IL13RA1: variants seen among roughly 807,000 people sequenced by gnomAD.
The protein encoded by IL13RA1 is interleukin-13 receptor subunit alpha-1.
Under a neutral mutation model 33.8 loss-of-function variants are expected in IL13RA1, and 14 were observed. The ratio of observed to expected loss-of-function variants is 0.41; its 90% confidence interval spans 0.27 to 0.65. IL13RA1 has a LOEUF of 0.65. Among genes scored for constraint, IL13RA1 ranks in the 30% least tolerant of loss-of-function variants. The pLI is 0.28. For synonymous variants in IL13RA1, 116 were observed against 115.7 expected (o/e 1.00, Z -0.02); for missense variants, 313 against 327.0 (o/e 0.96, Z 0.33).
chrX:118,767,336 T>C (rs930147671), intron 8 of IL13RA1, among the ~76,000 whole-genome samples: 1 of 110,193 alleles, frequency 9.1e-6, no homozygotes, highest in Non-Finnish European at 1.9e-5. Flanking sequence ...AGCCCAGGAG[T>C]TGGAGACCAG....
chrX:118,734,944 A>G (rs145619488), intron 1 of IL13RA1, among the ~76,000 whole-genome samples: 144 of 111,061 alleles, frequency 1.3e-3, no homozygotes, highest in Non-Finnish European at 2.2e-3. Context: ...ATTTTTGATT[A>G]CTGATTCAAT....
At chrX:118,754,676 A>G (rs1333244193) in intron 4 of IL13RA1, among the ~76,000 whole-genome samples, 3 of 90,426 alleles carry the variant, frequency 3.3e-5, no homozygotes, top group African/African-American at 2.4e-4. Context: ...TATTGTTATT[A>G]TCCCCACTCC....
At chrX:118,768,303 A>G (rs1024476357) in intron 8 of IL13RA1, among the ~76,000 whole-genome samples, 9 of 112,215 alleles carry the variant, frequency 8.0e-5, no homozygotes, top group Admixed American at 7.5e-4. Flanking sequence ...GAACCAACAT[A>G]CATTTACCAT....
intron 10 of IL13RA1, among the ~76,000 whole-genome samples, chrX:118,783,990 C>T (rs1221835229): frequency 4.1e-5 from 4 of 97,158 alleles, no homozygotes; most frequent in South Asian, 4.9e-4. Flanking sequence ...GCAGGAGAAT[C>T]GCTTAAGCCT....
In IL13RA1 at chrX:118,784,127, A is replaced by ACG. The variant is rs1556373085; in HGVS notation, c.1191+7616_1191+7617insCG. Among the ~76,000 whole-genome samples, 92 of 24,773 alleles carry ACG rather than the reference A, an allele frequency of 3.7e-3. 5 individuals carry two copies. The highest frequency in any genetic ancestry group is 9.0e-3 in the South Asian group (2 of 222). The allele number at this position is 24,773 out of a possible 115,157, so 21.5% of individuals were successfully genotyped here. On this transcript the variant is annotated intron_variant, in intron 10 of 10. Transcript: ENST00000371666. ...TATATATACGTATATATGTATATATATGTATATATATATATATATACGTAT... is the reference window on the plus strand; with the variant it reads ...TATATATACGTATATATGTATATATACGTGTATATATATATATATATACGTAT...
Position 118,793,530 on chromosome X carries a change from A to G in IL13RA1, c.*1676A>G, listed in dbSNP as rs1340606087. On this transcript the variant is annotated 3_prime_UTR_variant, in exon 11 of 11. Coordinates refer to ENST00000371666, the MANE Select transcript of IL13RA1 (RefSeq NM_001560.3). ...CCATTCTCACCTATCCACACAACAT[A>G]TCCGTATATATCCCCTCTACTCTTA... 1 of 111,322 alleles carries G rather than the reference A, an allele frequency of 9.0e-6. No homozygotes were observed. The highest frequency in any genetic ancestry group is 3.3e-5 in the African/African-American group (1 of 30,545). The allele number at this position is 111,322 out of a possible 1,213,427, so 9.2% of individuals were successfully genotyped here.
In IL13RA1 at chrX:118,759,298, C is replaced by A. The variant is rs1442539326; in HGVS notation, c.676+1056C>A. On this transcript the variant is annotated intron_variant, in intron 5 of 10. Transcript: ENST00000371666. ...TCTGTGAAATGGAATATATAATCTC[C>A]CTCTATCTAAAAAAATTGTCATAAG... 8.0e-5 allele frequency among the ~76,000 whole-genome samples: 9 copies of A among 112,172 alleles called. 1 individual carries two copies. The highest frequency in any genetic ancestry group is 1.7e-4 in the Non-Finnish European group (9 of 53,208).
chrX:118,754,886 A>G (rs541452905), intron 4 of IL13RA1, among the ~76,000 whole-genome samples: 1 of 107,932 alleles, frequency 9.3e-6, no homozygotes, highest in South Asian at 4.1e-4. Context: ...CATCAAACAA[A>G]CTGCCAGAGA....
the IL13RA1 span, among the ~76,000 whole-genome samples, chrX:118,803,534 A>G: frequency 1.8e-5 from 2 of 112,488 alleles, no homozygotes; most frequent in African/African-American, 6.5e-5. Flanking sequence ...AAACTAAACA[A>G]TAATTGCTTA....
the IL13RA1 span, among the ~76,000 whole-genome samples, chrX:118,803,588 C>T: frequency 5.7e-3 from 634 of 112,180 alleles, 6 homozygotes; most frequent in African/African-American, 0.02. Flanking sequence ...CCCCAATTGT[C>T]TCATAAGTCT....
chrX:118,800,930 G>A, the IL13RA1 span, among the ~76,000 whole-genome samples: 1,857 of 111,248 alleles, frequency 0.017, 46 homozygotes, highest in African/African-American at 0.056. Context: ...GGGACTACAG[G>A]CACTTGCCAC....
chrX:118,783,216 G>T (rs964492532), intron 10 of IL13RA1, among the ~76,000 whole-genome samples: 2 of 111,682 alleles, frequency 1.8e-5, no homozygotes, highest in Non-Finnish European at 3.8e-5. Flanking sequence ...CGTTTTTCTA[G>T]GCTCACATAA....
At chrX:118,734,820 C>T (rs904428864) in intron 1 of IL13RA1, among the ~76,000 whole-genome samples, 8 of 111,628 alleles carry the variant, frequency 7.2e-5, no homozygotes, top group African/African-American at 2.6e-4. Flanking sequence ...TCAGGTAATG[C>T]TGGCCTCGTA....
Position 118,776,423 on chromosome X carries a change from A to T in IL13RA1, c.1107-4A>T. On this transcript the variant is annotated splice_polypyrimidine_tract_variant and splice_region_variant and intron_variant, in intron 9 of 10. Coordinates refer to ENST00000371666, the MANE Select transcript of IL13RA1 (RefSeq NM_001560.3). Reference sequence around the variant, plus strand: ...TTGAATCAAATGTCTCTGTTTTCTTAAAGGCTCAAGATTATTATATTCCCT... The same window carrying T: ...TTGAATCAAATGTCTCTGTTTTCTTTAAGGCTCAAGATTATTATATTCCCT... 1 of 878,172 alleles carries T rather than the reference A, an allele frequency of 1.1e-6. No homozygotes were observed. The highest frequency in any genetic ancestry group is 1.7e-6 in the Non-Finnish European group (1 of 597,443). The allele number at this position is 878,172 out of a possible 1,213,427, so 72.4% of individuals were successfully genotyped here.
rs779661809 is a variant in IL13RA1 at position 118,736,443 on chromosome X, A to G, written c.89-4574A>G. On this transcript the variant is annotated intron_variant, in intron 1 of 10. Coordinates refer to ENST00000371666, the MANE Select transcript of IL13RA1 (RefSeq NM_001560.3). ...CCCCCAGGATTTGCTGTTTTTTGTT[A>G]TTGTTTTGTTTATTGTCTTTATTTT... Among the ~76,000 whole-genome samples, 34 of 109,477 alleles carry G rather than the reference A, an allele frequency of 3.1e-4. 1 individual carries two copies. Among genetic ancestry groups the G allele is most frequent in the Non-Finnish European group, 6.1e-4 (32 of 52,566 alleles).
At chrX:118,797,608 C>T (rs367968685), downstream of IL13RA1, among the ~76,000 whole-genome samples, 22 of 112,314 alleles carry the variant, frequency 2.0e-4, no homozygotes, top group African/African-American at 6.8e-4. Flanking sequence ...TGTAACTTTA[C>T]ATGGAAAAAG....
chrX:118,748,376 A>AC (rs2017434266), intron 3 of IL13RA1, among the ~76,000 whole-genome samples: 1 of 105,899 alleles, frequency 9.4e-6, no homozygotes, highest in Non-Finnish European at 1.9e-5. Context: ...AAAAAAAAAA[A>AC]AAAACGGCTA....
At chrX:118,769,711 C>T (rs1033945680) in intron 8 of IL13RA1, 1 of 112,909 alleles carries the variant, frequency 8.9e-6, no homozygotes, top group African/African-American at 3.2e-5. Flanking sequence ...GGAAACCCAC[C>T]CCATGAGCAT....
Position 118,761,155 on chromosome X carries a change from C to A in IL13RA1, c.694C>A (p.His232Asn). ...LTSRVKPDPP[H>N]IKNLSFHNDD... ...TTTTTCAGTGAAACCTGATCCTCCA[C>A]ATATTAAAAACCTCTCCTTCCACAA... The change falls in exon 6 of 11, where the codon CAT becomes AAT. Residue 232 changes from histidine to asparagine, a missense_variant. Transcript: ENST00000371666. 9.6e-7 allele frequency: 1 copy of A among 1,043,144 alleles called. No homozygotes were observed. Among genetic ancestry groups the A allele is most frequent in the Non-Finnish European group, 1.3e-6 (1 of 767,025 alleles). The allele number at this position is 1,043,144 out of a possible 1,213,427, so 86.0% of individuals were successfully genotyped here. A position where few individuals can be genotyped will look rare whatever the true frequency, so the allele number is the denominator to read the frequency against.
Sources: allele counts gnomAD v4.1 joint callset (sites outside exome capture counted in the v4.1 genomes callset), GRCh38; gene constraint gnomAD v4.1.1; transcripts MANE v1.5; gene names NCBI Gene and HGNC (gene_info 2026-07-23, HGNC 2026-07-21).